Variants in PCNT observed in about 807,000 individuals in gnomAD.
PCNT encodes the protein pericentrin, also known as kendrin.
In PCNT, 319 loss-of-function variants were observed where a neutral mutation model predicts 380.4. That is an observed-to-expected ratio of 0.84 (90% confidence interval 0.77 to 0.92). The LOEUF (loss-of-function observed/expected upper bound fraction) is 0.92, where lower values mean the gene tolerates loss of function less well. PCNT is among the 40% of genes least tolerant of loss of function. The probability of loss-of-function intolerance (pLI) is 0.00; values close to 1 mark genes in which losing one functional copy is unlikely to be tolerated. For synonymous variants in PCNT, 1,845 were observed against 1,735.2 expected (o/e 1.06, Z -1.57); for missense variants, 4,400 against 4,255.3 (o/e 1.03, Z -0.95).
At chr21:46,398,761 G>A (rs1322386603) in intron 24 of PCNT, among the ~76,000 whole-genome samples, 1 of 151,832 alleles carries the variant, frequency 6.6e-6, no homozygotes, top group Non-Finnish European at 1.5e-5. Flanking sequence ...GTTACTGAGT[G>A]TAGCCATAGT....
chr21:46,394,283 C>T (rs1350581670), intron 21 of PCNT, among the ~76,000 whole-genome samples: 3 of 152,206 alleles, frequency 2.0e-5, no homozygotes, highest in Non-Finnish European at 4.4e-5. Context: ...TCAGGTGTTG[C>T]CATCTGTCCC....
Position 46,388,450 on chromosome 21 carries a change from G to A in PCNT, c.3465-292G>A, listed in dbSNP as rs1007858425. Among the ~76,000 whole-genome samples the A allele has an allele frequency of 3.3e-5, 5 of 152,220 alleles. No homozygotes were observed. In the East Asian group the frequency reaches 9.6e-4, roughly 29 times the overall value. ...CTGTGCGGCCACATCGCACACCTGCGGGACGGGTTTGCCGTGTTCCTAATG... is the reference window on the plus strand; with the variant it reads ...CTGTGCGGCCACATCGCACACCTGCAGGACGGGTTTGCCGTGTTCCTAATG... On this transcript the variant is annotated intron_variant, in intron 17 of 46. Transcript: ENST00000359568. This position sits in a 1 kb window ranked among gnomAD's most constrained non-coding sequence, Gnocchi z 4.2.
At chr21:46,426,775 G>T (rs2087525755) in intron 33 of PCNT, among the ~76,000 whole-genome samples, 1 of 152,210 alleles carries the variant, frequency 6.6e-6, no homozygotes, top group Admixed American at 6.5e-5. Flanking sequence ...AGGGCTTGTG[G>T]AGGTTGTGGA....
At chr21:46,423,375 A>G (rs73379376) in intron 32 of PCNT, among the ~76,000 whole-genome samples, 26,728 of 151,292 alleles carry the variant, frequency 0.18, 4,339 homozygotes, top group African/African-American at 0.43. Flanking sequence ...ATTTTCTGTA[A>G]AGATGGAGTG....
chr21:46,394,216 C>G (rs534525193), intron 21 of PCNT, among the ~76,000 whole-genome samples: 43 of 152,340 alleles, frequency 2.8e-4, no homozygotes, highest in Admixed American at 2.5e-3. Context: ...GTGCAGCGGC[C>G]CTGCCTCGCC....
intron 13 of PCNT, among the ~76,000 whole-genome samples, chr21:46,358,803 T>A (rs1040005557): frequency 2.0e-5 from 3 of 151,526 alleles, no homozygotes; most frequent in Admixed American, 6.6e-5. Flanking sequence ...TTTTTTTATT[T>A]TTTTTTATTT....
intron 27 of PCNT, among the ~76,000 whole-genome samples, chr21:46,403,497 T>TTG (rs1555981517): frequency 8.4e-4 from 76 of 90,620 alleles, no homozygotes; most frequent in East Asian, 1.9e-3. Flanking sequence ...CGTGGGAGAA[T>TTG]TGTGTGTGTG....
intron 13 of PCNT, among the ~76,000 whole-genome samples, chr21:46,360,845 A>G (rs1465629771): frequency 6.6e-6 from 1 of 152,120 alleles, no homozygotes; most frequent in Non-Finnish European, 1.5e-5. Context: ...ATCCATTCTG[A>G]TAATCTCTGC....
At chr21:46,418,170 A>G (rs1569280609) in intron 30 of PCNT, 34 bp from the exon 31 acceptor site, 4 of 1,320,934 alleles carry the variant, frequency 3.0e-6, no homozygotes, top group East Asian at 4.6e-5. Context: ...GTAATTACTC[A>G]TTATTTTATG....
intron 8 of PCNT, among the ~76,000 whole-genome samples, chr21:46,350,296 G>A (rs2084220088): frequency 6.6e-6 from 1 of 152,214 alleles, no homozygotes; most frequent in Non-Finnish European, 1.5e-5. Context: ...CTTGTACTTA[G>A]GAATGCATGT....
At chr21:46,344,209 G>A (rs1230879143) in intron 3 of PCNT, among the ~76,000 whole-genome samples, 1 of 152,006 alleles carries the variant, frequency 6.6e-6, no homozygotes, top group Non-Finnish European at 1.5e-5. Context: ...GAGTAGCTGG[G>A]ACTACAGGCG....
chr21:46,407,376 C>CCGT (rs1372425780), intron 27 of PCNT, among the ~76,000 whole-genome samples: 1 of 117,288 alleles, frequency 8.5e-6, no homozygotes, highest in Non-Finnish European at 1.6e-5. Flanking sequence ...GAGTCTTGCT[C>CCGT]CGTCACCCAG....
intron 29 of PCNT, among the ~76,000 whole-genome samples, chr21:46,415,368 T>TG (rs1266793088): frequency 1.7e-4 from 16 of 91,962 alleles, no homozygotes; most frequent in African/African-American, 6.4e-4. Context: ...TCTTTGAATT[T>TG]TTTTTTTTTT....
intron 33 of PCNT, among the ~76,000 whole-genome samples, chr21:46,426,491 G>A (rs181121844): frequency 6.6e-6 from 1 of 152,222 alleles, no homozygotes; most frequent in Non-Finnish European, 1.5e-5. Flanking sequence ...CCTGTGCCCT[G>A]TGTGAGCCTG....
chr21:46,399,738 T>TC lies in PCNT; in HGVS notation c.4733_4734insC (p.Ala1579GlyfsTer21). ...ATGAACATCAACATCAGGAAAAAAG[T>TC]GGCCCAGCTCCAGGAAGAAGTGGAA... On this transcript the variant is annotated frameshift_variant, in exon 25 of 47. Transcript: ENST00000359568. LOFTEE classifies it high-confidence loss of function. The TC allele has an allele frequency of 6.2e-7, 1 of 1,614,060 alleles. No homozygotes were observed.
Position 46,366,899 on chromosome 21 carries a change from C to T in PCNT, c.2925C>T (p.Tyr975=), listed in dbSNP as rs754013009. The T allele has an allele frequency of 1.9e-5, 31 of 1,614,224 alleles. No homozygotes were observed. Among genetic ancestry groups the T allele is most frequent in the Non-Finnish European group, 2.5e-5 (30 of 1,180,044 alleles). Residue 975 remains tyrosine (Y), a synonymous_variant, in exon 15 of 47, where the codon TAC becomes TAT. Transcript: ENST00000359568. Reference sequence around the variant, plus strand: ...GCCTTGATTCTTTGGAATCCTGTTACCTCTCTGAATTTCAGACCATCCGTG... The same window carrying T: ...GCCTTGATTCTTTGGAATCCTGTTATCTCTCTGAATTTCAGACCATCCGTG... ...LSSLDSLESC[Y]LSEFQTIREE...
Position 46,399,748 on chromosome 21 carries a change from C to A in PCNT, c.4743C>A (p.Leu1581=). The part of the protein sequence containing the change: ...NINIRKKVAQ[L]QEEVEKQKNI... ...ACATCAGGAAAAAAGTGGCCCAGCTCCAGGAAGAAGTGGAAAAACAGAAAA... is the reference window on the plus strand; with the variant it reads ...ACATCAGGAAAAAAGTGGCCCAGCTACAGGAAGAAGTGGAAAAACAGAAAA... Residue 1581 remains leucine (L), a synonymous_variant, in exon 25 of 47, where the codon CTC becomes CTA. Transcript: ENST00000359568. The A allele has an allele frequency of 6.2e-7, 1 of 1,614,104 alleles. No individual in the cohort carries two copies. Among genetic ancestry groups the A allele is most frequent in the Non-Finnish European group, 8.5e-7 (1 of 1,180,018 alleles).
Position 46,349,730 on chromosome 21 carries a change from G to A in PCNT, c.1254G>A (p.Lys418=), listed in dbSNP as rs1339755266. ...GTCATCATCAAGCAGCCATTGAGAA[G>A]TTACGTGAAGACCTGCAGTCCGAGC... The part of the protein sequence containing the change: ...LESHHQAAIE[K]LREDLQSEHG... Residue 418 remains lysine, a synonymous_variant, in exon 8 of 47, where the codon AAG becomes AAA. Transcript: ENST00000359568. 1 of 1,613,956 alleles carries A rather than the reference G, an allele frequency of 6.2e-7. No individual in the cohort carries two copies. Among genetic ancestry groups the A allele is most frequent in the East Asian group, 2.2e-5 (1 of 44,882 alleles).
chr21:46,425,791 G>C lies in PCNT; in HGVS notation c.7180-40G>C. On this transcript the variant is annotated intron_variant, in intron 32 of 46. Transcript: ENST00000359568. The surrounding 1 kb of genome is among the most constrained non-coding windows in gnomAD (Gnocchi z 4.2). ...GTGGTGTAGAGCGTGGCTGTGTGGG[G>C]TGGCAGGCAACTCCCTTCTGACGCG... 1.9e-6 allele frequency: 3 copies of C among 1,611,084 alleles called. No homozygotes were observed. Among genetic ancestry groups the C allele is most frequent in the Non-Finnish European group, 1.7e-6 (2 of 1,179,736 alleles).
Sources: gnomAD v4.1 joint callset for allele counts (sites outside exome capture counted in the v4.1 genomes callset) on GRCh38, gnomAD v4.1.1 for gene constraint, Gnocchi (gnomAD v3.1) non-coding constraint, MANE v1.5 for transcripts, NCBI Gene and HGNC (gene_info 2026-07-23, HGNC 2026-07-21) for gene names.